Variants in PRSS12 observed in about 807,000 individuals in gnomAD.
The protein encoded by PRSS12 is serine protease 12.
Under a neutral mutation model 104.4 loss-of-function variants are expected in PRSS12, and 85 were observed. That is an observed-to-expected ratio of 0.81 (90% CI 0.68 to 0.98). The LOEUF (loss-of-function observed/expected upper bound fraction) is 0.98, where lower values mean the gene tolerates loss of function less well. PRSS12 is among the 50% of genes least tolerant of loss of function. PRSS12 has a pLI of 0.00. For missense variants in PRSS12, 1,141 were observed against 1,139.2 expected (o/e 1.00, Z -0.02); for synonymous variants, 454 against 425.2 (o/e 1.07, Z -0.83).
chr4:118,280,952 A>G lies in PRSS12; in HGVS notation c.*984T>C, dbSNP rs1742831277. On this transcript the variant is annotated 3_prime_UTR_variant, in exon 13 of 13. Transcript: ENST00000296498. ...AGTGATGTGCAAAGCTGCCTAATGC[A>G]GTGCCTGGCATATGTTATAACTGCT... 1 of 152,240 alleles carries G rather than the reference A, an allele frequency of 6.6e-6. No individual in the cohort carries two copies. Among genetic ancestry groups the G allele is most frequent in the African/African-American group, 2.4e-5 (1 of 41,448 alleles). The allele number at this position is 152,240 out of a possible 1,614,324, so 9.4% of individuals were successfully genotyped here.
intron 1 of PRSS12, among the ~76,000 whole-genome samples, chr4:118,342,452 C>T (rs1195916025): frequency 1.3e-5 from 2 of 152,172 alleles, no homozygotes; most frequent in Non-Finnish European, 2.9e-5. Flanking sequence ...TGTGATCCAG[C>T]GTTGCACTGT....
At chr4:118,291,608 G>C (rs1253531690) in intron 11 of PRSS12, among the ~76,000 whole-genome samples, 2 of 151,952 alleles carry the variant, frequency 1.3e-5, no homozygotes, top group Non-Finnish European at 2.9e-5. Flanking sequence ...GCCCTTCTTA[G>C]AGCACCATGT....
At chr4:118,338,444 C>G in intron 1 of PRSS12, 130 bp from the exon 2 acceptor site, 1 of 1,147,760 alleles carries the variant, frequency 8.7e-7, no homozygotes, top group Non-Finnish European at 1.3e-6. Context: ...TTAGCCTCCA[C>G]TGTGTGTGGC....
chr4:118,347,428 CAGAG>C (rs534220864), intron 1 of PRSS12, among the ~76,000 whole-genome samples: 1 of 152,160 alleles, frequency 6.6e-6, no homozygotes, highest in Non-Finnish European at 1.5e-5. Flanking sequence ...TGCACATGAA[CAGAG>C]GAGCATGACA....
chr4:118,345,684 A>G (rs1724337764), intron 1 of PRSS12, among the ~76,000 whole-genome samples: 1 of 152,226 alleles, frequency 6.6e-6, no homozygotes. Context: ...TAAGACAAGG[A>G]AATATGCTTT....
chr4:118,294,176 G>GT (rs1743190104), intron 11 of PRSS12, among the ~76,000 whole-genome samples: 1 of 152,182 alleles, frequency 6.6e-6, no homozygotes, highest in African/African-American at 2.4e-5. Context: ...AAACTTCATT[G>GT]TGACAATGTT....
At chr4:118,284,248 T>G (rs1043042003) in intron 11 of PRSS12, among the ~76,000 whole-genome samples, 3 of 152,128 alleles carry the variant, frequency 2.0e-5, no homozygotes, top group Non-Finnish European at 4.4e-5. Context: ...CATCCCCAGT[T>G]GCGATTACCA....
rs985299480 is a variant in PRSS12 at position 118,283,004 on chromosome 4, C to T, written c.2147G>A (p.Arg716Gln). 14 of 1,614,036 alleles carry T rather than the reference C, an allele frequency of 8.7e-6. No individual in the cohort carries two copies. Among genetic ancestry groups the T allele is most frequent in the Admixed American group, 5.0e-5 (3 of 60,008 alleles). Reference sequence around the variant, plus strand: ...ATCACTGCGGTCGGGTCGATACTCCCGATGAATCACAATCTGTTGAACTCC... The same window carrying T: ...ATCACTGCGGTCGGGTCGATACTCCTGATGAATCACAATCTGTTGAACTCC... ...EIGVQQIVIH[R>Q]EYRPDRSDYD... Residue 716 changes from arginine to glutamine, a missense_variant, in exon 12 of 13, where the codon CGG (arginine) becomes CAG (glutamine). By Grantham distance (43) the Arg-to-Gln change is conservative. Transcript: ENST00000296498.
chr4:118,285,625 G>C (rs1378254011), intron 11 of PRSS12, among the ~76,000 whole-genome samples: 1 of 151,664 alleles, frequency 6.6e-6, no homozygotes, highest in Non-Finnish European at 1.5e-5. Context: ...GAGATGTGCT[G>C]AAAGTACAAA....
At chr4:118,316,837 A>AAAAATATATATAT (rs35698159) in intron 5 of PRSS12, among the ~76,000 whole-genome samples, 1,566 of 98,968 alleles carry the variant, frequency 0.016, 31 homozygotes, top group Admixed American at 0.031. Context: ...AAAAAAAAAA[A>AAAAATATATATAT]ATATATATAT....
Position 118,335,437 on chromosome 4 carries a change from GAAAGTAAAACAACAGAACTTTTTTCTT to G in PRSS12, c.820+9_820+35del. On this transcript the variant is annotated intron_variant, in intron 3 of 12. Transcript: ENST00000296498. ...TCTGGAATCACGTTTAAAACATAAT[GAAAGTAAAACAACAGAACTTTTTTCTT>G]TTTTTTACCATGGGAAAAGCTACAC... 3 of 1,608,100 alleles carry G rather than the reference GAAAGTAAAACAACAGAACTTTTTTCTT, an allele frequency of 1.9e-6. No individual in the cohort carries two copies. The highest frequency in any genetic ancestry group is 2.6e-6 in the Non-Finnish European group (3 of 1,175,508).
At chr4:118,335,431 CATAAT>C in intron 3 of PRSS12, 37 bp downstream of exon 3, 3 of 1,603,798 alleles carry the variant, frequency 1.9e-6, no homozygotes, top group Non-Finnish European at 2.6e-6. Context: ...ACGTTTAAAA[CATAAT>C]GAAAGTAAAA....
intron 11 of PRSS12, among the ~76,000 whole-genome samples, chr4:118,289,994 T>C (rs950244135): frequency 2.0e-5 from 3 of 152,172 alleles, no homozygotes; most frequent in South Asian, 2.1e-4. Flanking sequence ...TTTGAAAATA[T>C]CATCATCCTC....
rs1724540924 is a variant in PRSS12 at position 118,352,512 on chromosome 4, C to T, written c.209G>A (p.Arg70Gln). Residue 70 changes from arginine (R) to glutamine (Q), a missense_variant, in exon 1 of 13, where the codon CGG becomes CAG. Transcript: ENST00000296498. Reference sequence around the variant, plus strand: ...GTGCGGGCGCTGGGCAGGGAGCGCCCGCGGGGGGCGCGGGAAGCGCGGGAG... The same window carrying T: ...GTGCGGGCGCTGGGCAGGGAGCGCCTGCGGGGGGCGCGGGAAGCGCGGGAG... ...PPLPRFPRPP[R>Q]ALPAQRPHAL... is the part of the protein sequence containing the mutation. 1 of 1,449,416 alleles carries T rather than the reference C, an allele frequency of 6.9e-7. No individual in the cohort carries two copies. Among genetic ancestry groups the T allele is most frequent in the Non-Finnish European group, 9.1e-7 (1 of 1,098,092 alleles). The allele number at this position is 1,449,416 out of a possible 1,614,324, so 89.8% of individuals were successfully genotyped here. A position where few individuals can be genotyped will look rare whatever the true frequency, so the allele number is the denominator to read the frequency against.
chr4:118,301,545 A>G (rs1743406886), intron 8 of PRSS12, among the ~76,000 whole-genome samples: 1 of 152,126 alleles, frequency 6.6e-6, no homozygotes, highest in East Asian at 1.9e-4. Flanking sequence ...AAAATGAAAG[A>G]TTTTTACTAG....
chr4:118,351,801 T>C (rs1178029835), intron 1 of PRSS12, among the ~76,000 whole-genome samples: 1 of 152,162 alleles, frequency 6.6e-6, no homozygotes, highest in Non-Finnish European at 1.5e-5. Flanking sequence ...GCCACGTTAA[T>C]GTAACATTTC....
intron 6 of PRSS12, 104 bp downstream of exon 6, chr4:118,316,078 C>A (rs540536458): frequency 2.1e-5 from 27 of 1,273,716 alleles, no homozygotes; most frequent in Admixed American, 1.7e-4. Context: ...TAGGAGAGAA[C>A]AGGTATTTTT....
intron 4 of PRSS12, among the ~76,000 whole-genome samples, chr4:118,320,242 T>C (rs1723572058): frequency 6.6e-6 from 1 of 152,152 alleles, no homozygotes; most frequent in African/African-American, 2.4e-5. Context: ...GCTCTTTTCT[T>C]ATAACATTAT....
chr4:118,290,650 A>G (rs1477457692), intron 11 of PRSS12, among the ~76,000 whole-genome samples: 2 of 152,168 alleles, frequency 1.3e-5, no homozygotes. Context: ...GAACATTATT[A>G]TCTTCATTTT....
Sources: gnomAD v4.1 joint callset for allele counts (sites outside exome capture counted in the v4.1 genomes callset) on GRCh38, gnomAD v4.1.1 for gene constraint, MANE v1.5 for transcripts, NCBI Gene and HGNC (gene_info 2026-07-23, HGNC 2026-07-21) for gene names.